SEMA5A: variants seen among roughly 807,000 people sequenced by gnomAD.
SEMA5A encodes the protein semaphorin-5A.
In SEMA5A, 55 loss-of-function variants were observed where a neutral mutation model predicts 135.5. The ratio of observed to expected loss-of-function variants is 0.41; its 90% CI spans 0.33 to 0.51. SEMA5A has a LOEUF of 0.51. Among genes scored for constraint, SEMA5A ranks in the 20% least tolerant of loss-of-function variants. The pLI, the probability that SEMA5A is intolerant of heterozygous loss-of-function variation, is 0.37. For synonymous variants in SEMA5A, 580 were observed against 546.5 expected (o/e 1.06, Z -0.85); for missense variants, 1,290 against 1,419.9 (o/e 0.91, Z 1.47).
At chr5:9,241,511 C>G (rs544628884) in intron 5 of SEMA5A, among the ~76,000 whole-genome samples, 1 of 147,672 alleles carries the variant, frequency 6.8e-6, no homozygotes, top group East Asian at 2.0e-4. Context: ...GTGACACACT[C>G]TAACTTATAA....
At chr5:9,277,418 G>A (rs953855591) in intron 5 of SEMA5A, among the ~76,000 whole-genome samples, 3 of 152,138 alleles carry the variant, frequency 2.0e-5, no homozygotes, top group African/African-American at 7.2e-5. Context: ...AATTCCTGAA[G>A]GATCTAGAAC....
rs192883157 is a variant in SEMA5A at position 9,088,659 on chromosome 5, T to C, written c.2073+19481A>G. Among the ~76,000 whole-genome samples, 610 of 112,866 alleles carry C rather than the reference T, an allele frequency of 5.4e-3. 26 individuals carry two copies. Among genetic ancestry groups the C allele is most frequent in the Non-Finnish European group, 7.7e-3 (443 of 57,264 alleles). The allele number at this position is 112,866 out of a possible 152,430, so 74.0% of individuals were successfully genotyped here. ...TATAATATATATATATATATATATA[T>C]ACACACACACACTCATGGAATTCCA... is the stretch of plus-strand genomic sequence containing the variant. On this transcript the variant is annotated intron_variant, in intron 16 of 22. Transcript: ENST00000382496.
At chr5:9,293,822 T>C (rs182143375) in intron 5 of SEMA5A, among the ~76,000 whole-genome samples, 42 of 152,224 alleles carry the variant, frequency 2.8e-4, no homozygotes, top group Middle Eastern at 3.4e-3. Context: ...GGATATTGGG[T>C]AGGTACTTTT....
At chr5:9,069,345 C>T (rs1238554009) in intron 16 of SEMA5A, among the ~76,000 whole-genome samples, 1 of 152,156 alleles carries the variant, frequency 6.6e-6, no homozygotes, top group East Asian at 1.9e-4. Context: ...TGAATTCATG[C>T]TTCTTCGATG....
intron 5 of SEMA5A, among the ~76,000 whole-genome samples, chr5:9,287,873 A>G (rs1289495456): frequency 6.6e-6 from 1 of 151,570 alleles, no homozygotes; most frequent in East Asian, 1.9e-4. Context: ...TATTTCCCTC[A>G]AGCCCTAATT....
At chr5:9,489,850 C>G (rs913917776) in intron 1 of SEMA5A, among the ~76,000 whole-genome samples, 1 of 152,112 alleles carries the variant, frequency 6.6e-6, no homozygotes, top group Non-Finnish European at 1.5e-5. Flanking sequence ...AAGTACCACT[C>G]AAAATTTCTA....
intron 7 of SEMA5A, among the ~76,000 whole-genome samples, chr5:9,226,606 GA>G (rs911976122): frequency 3.3e-5 from 5 of 151,994 alleles, no homozygotes; most frequent in Non-Finnish European, 5.9e-5. Flanking sequence ...GTCACTGGTG[GA>G]AAAAAATGCT....
At chr5:9,305,728 T>TATGTGTATATATATATATATA (rs1287444762) in intron 5 of SEMA5A, among the ~76,000 whole-genome samples, 1 of 95,000 alleles carries the variant, frequency 1.1e-5, no homozygotes, top group African/African-American at 4.0e-5. Flanking sequence ...ATATATATAT[T>TATGTGTATATATATATATATA]TACACGCACA....
intron 8 of SEMA5A, among the ~76,000 whole-genome samples, chr5:9,209,732 C>T (rs1362874015): frequency 6.6e-6 from 1 of 152,124 alleles, no homozygotes; most frequent in Non-Finnish European, 1.5e-5. Context: ...AGCCGACTTC[C>T]CAATATGTGG....
chr5:9,144,720 G>A (rs1469861319), intron 12 of SEMA5A, among the ~76,000 whole-genome samples: 1 of 152,198 alleles, frequency 6.6e-6, no homozygotes, highest in African/African-American at 2.4e-5. Flanking sequence ...ACTTGAGACA[G>A]GGAATTATTG....
intron 2 of SEMA5A, among the ~76,000 whole-genome samples, chr5:9,389,373 A>G (rs1027854872): frequency 6.6e-6 from 1 of 152,172 alleles, no homozygotes; most frequent in Non-Finnish European, 1.5e-5. Context: ...CAACCTCTGT[A>G]TATAATCTAG....
intron 1 of SEMA5A, among the ~76,000 whole-genome samples, chr5:9,520,121 C>T (rs2126868494): frequency 6.6e-6 from 1 of 152,292 alleles, no homozygotes; most frequent in Non-Finnish European, 1.5e-5. Context: ...CAGCCATTCC[C>T]ACCCCCAAAT....
At chr5:9,171,255 A>G (rs1166278072) in intron 11 of SEMA5A, among the ~76,000 whole-genome samples, 1 of 152,176 alleles carries the variant, frequency 6.6e-6, no homozygotes, top group African/African-American at 2.4e-5. Context: ...CACCCTGAAT[A>G]TCAACAGGAT....
chr5:9,396,578 A>G (rs1756412106), intron 2 of SEMA5A, among the ~76,000 whole-genome samples: 1 of 152,100 alleles, frequency 6.6e-6, no homozygotes, highest in African/African-American at 2.4e-5. Flanking sequence ...CAATGTGCTA[A>G]TGTTCCCCCT....
At chr5:9,379,704 G>A (rs1371189236) in intron 3 of SEMA5A, 119 bp downstream of exon 3, 3 of 1,234,122 alleles carry the variant, frequency 2.4e-6, no homozygotes, top group African/African-American at 3.0e-5. Flanking sequence ...TTTAAACTGT[G>A]TCTGAAACAA....
rs559115073 is a variant in SEMA5A, at chr5:9,302,859, T to A, written c.270+15513A>T. 1.2e-4 allele frequency among the ~76,000 whole-genome samples: 19 copies of A among 152,280 alleles called. No homozygotes were observed. In the South Asian group the frequency reaches 1.9e-3, roughly 15 times the overall value. On this transcript the variant is annotated intron_variant, in intron 5 of 22. Transcript: ENST00000382496. ...GCCGCTTGACAAATACTAATTATAA[T>A]GTAGATAGAAATTTCAAAGCCAGAT...
chr5:9,332,021 C>T (rs555983390), intron 4 of SEMA5A, among the ~76,000 whole-genome samples: 1 of 152,202 alleles, frequency 6.6e-6, no homozygotes, highest in African/African-American at 2.4e-5. Context: ...GGTATTCAGG[C>T]AGCTATGGGC....
At chr5:9,140,562 C>G (rs1375778965) in intron 12 of SEMA5A, among the ~76,000 whole-genome samples, 1 of 152,164 alleles carries the variant, frequency 6.6e-6, no homozygotes, top group Non-Finnish European at 1.5e-5. Flanking sequence ...TGCTGTGACT[C>G]CACCTGGCTG....
rs1348673150 is a variant in SEMA5A, at chr5:9,388,324, C to T, written c.-77-8301G>A. Among the ~76,000 whole-genome samples, 8 of 151,892 alleles carry T rather than the reference C, an allele frequency of 5.3e-5. No individual in the cohort carries two copies. The South Asian group carries it at 1.0e-3, about 20-fold the overall frequency. On this transcript the variant is annotated intron_variant, in intron 2 of 22. Transcript: ENST00000382496. Reference sequence around the variant, plus strand: ...TTTAGCTCCAGATCGCCTGGAGGAACGATAAAAATAAATGAAGTCCATTAG... The same window carrying T: ...TTTAGCTCCAGATCGCCTGGAGGAATGATAAAAATAAATGAAGTCCATTAG...
Sources: gnomAD v4.1 joint callset for allele counts (sites outside exome capture counted in the v4.1 genomes callset) on GRCh38, gnomAD v4.1.1 for gene constraint, MANE v1.5 for transcripts, NCBI Gene and HGNC (gene_info 2026-07-23, HGNC 2026-07-21) for gene names.